Variants in KIAA2012 observed in about 807,000 individuals in gnomAD.
KIAA2012 encodes the protein uncharacterized protein KIAA2012.
Under a neutral mutation model 150.6 loss-of-function variants are expected in KIAA2012, and 125 were observed. That is an observed-to-expected ratio of 0.83 (90% CI 0.72 to 0.96). KIAA2012 has a LOEUF of 0.96. Among genes scored for constraint, KIAA2012 ranks in the 40% least tolerant of loss-of-function variants. The pLI is 0.00. For missense variants in KIAA2012, 1,219 were observed against 1,354.9 expected (o/e 0.90, Z 1.57); for synonymous variants, 462 against 504.7 (o/e 0.92, Z 1.13).
At chr2:202,092,115 A>C (rs1229318257) in intron 3 of KIAA2012, among the ~76,000 whole-genome samples, 1 of 152,174 alleles carries the variant, frequency 6.6e-6, no homozygotes, top group African/African-American at 2.4e-5. Flanking sequence ...TCTTGACCTC[A>C]AAAAAGGTCG....
intron 8 of KIAA2012, among the ~76,000 whole-genome samples, chr2:202,103,881 C>T (rs1243126912): frequency 1.3e-5 from 2 of 152,170 alleles, no homozygotes; most frequent in Non-Finnish European, 2.9e-5. Flanking sequence ...TTCCATAGTA[C>T]TCTTGTTTAA....
chr2:202,126,468 C>T (rs1690790253), intron 12 of KIAA2012, among the ~76,000 whole-genome samples: 1 of 152,232 alleles, frequency 6.6e-6, no homozygotes, highest in East Asian at 1.9e-4. Context: ...GGAGTCTGGC[C>T]CTCTGCATTC....
chr2:202,176,684 G>A (rs187200300), intron 15 of KIAA2012, among the ~76,000 whole-genome samples: 1 of 152,068 alleles, frequency 6.6e-6, no homozygotes, highest in African/African-American at 2.4e-5. Context: ...AAGGAAAAAT[G>A]AGCAAATGAT....
intron 7 of KIAA2012, among the ~76,000 whole-genome samples, chr2:202,102,575 T>G (rs571903495): frequency 6.6e-6 from 1 of 152,186 alleles, no homozygotes; most frequent in Admixed American, 6.5e-5. Flanking sequence ...TGTACTTTGC[T>G]TTTTCCCTTA....
In KIAA2012 at chr2:202,154,735, T is replaced by C; in HGVS notation, c.1971T>C (p.Asn657=). ...QKTGEPQSCI[N]KALICSNRKE... is the part of the protein sequence containing the mutation. ...CAGGAGAGCCTCAAAGTTGTATAAA[T>C]AAAGCGCTGATATGTTCAAACAGAA... The change falls in exon 14 of 24, where the codon AAT becomes AAC. Residue 657 remains asparagine, a synonymous_variant. Coordinates refer to ENST00000498697, the MANE Select transcript of KIAA2012 (RefSeq NM_001277372.4). 1 of 1,550,330 alleles carries C rather than the reference T, an allele frequency of 6.5e-7. No individual in the cohort carries two copies. The highest frequency in any genetic ancestry group is 8.7e-7 in the Non-Finnish European group (1 of 1,146,954).
chr2:202,125,141 G>A (rs770576558), intron 11 of KIAA2012, 73 bp from the exon 12 acceptor site: 4 of 1,217,396 alleles, frequency 3.3e-6, no homozygotes, highest in Non-Finnish European at 4.7e-6. Flanking sequence ...GTTTTCCCCT[G>A]TCTTCGGATA....
chr2:202,117,992 A>G (rs561961342), intron 11 of KIAA2012, among the ~76,000 whole-genome samples: 1 of 151,394 alleles, frequency 6.6e-6, no homozygotes, highest in East Asian at 2.0e-4. Context: ...CTAACATGGC[A>G]TGTTTCTAAA....
intron 13 of KIAA2012, among the ~76,000 whole-genome samples, chr2:202,150,531 G>A (rs1047666684): frequency 2.0e-5 from 3 of 151,708 alleles, no homozygotes; most frequent in Admixed American, 1.3e-4. Context: ...TCACTATAAC[G>A]CTCACCTCCT....
At chr2:202,153,824 A>G (rs959190717) in intron 13 of KIAA2012, among the ~76,000 whole-genome samples, 8 of 152,200 alleles carry the variant, frequency 5.3e-5, no homozygotes, top group African/African-American at 1.9e-4. Context: ...TTGTTGTGTG[A>G]CTAAATGAAG....
intron 11 of KIAA2012, among the ~76,000 whole-genome samples, chr2:202,118,191 C>T (rs905396407): frequency 7.2e-5 from 11 of 152,106 alleles, no homozygotes; most frequent in Admixed American, 2.0e-4. Context: ...AGGAGCCCCA[C>T]GTGGTTATAG....
chr2:202,144,518 G>GA (rs929012974), intron 13 of KIAA2012, among the ~76,000 whole-genome samples: 47 of 148,224 alleles, frequency 3.2e-4, no homozygotes, highest in African/African-American at 9.7e-4. Context: ...ACATGCACAC[G>GA]AAAAAAAAAC....
chr2:202,161,083 C>G (rs1691645558), intron 14 of KIAA2012, among the ~76,000 whole-genome samples: 1 of 152,154 alleles, frequency 6.6e-6, no homozygotes, highest in Non-Finnish European at 1.5e-5. Context: ...ATCACTTGTC[C>G]AGCATCTGTC....
At chr2:202,119,731 G>GGT (rs748509212) in intron 11 of KIAA2012, among the ~76,000 whole-genome samples, 35 of 152,116 alleles carry the variant, frequency 2.3e-4, no homozygotes, top group Non-Finnish European at 4.4e-4. Flanking sequence ...GGCCAGGCAC[G>GGT]GTGGCTCATG....
chr2:202,136,308 T>C (rs372090213), intron 12 of KIAA2012: 41 of 158,172 alleles, frequency 2.6e-4, no homozygotes, highest in African/African-American at 9.4e-4. Context: ...TCGCGGTGAG[T>C]GTTACAGTTT....
chr2:202,113,347 GACCCT>G lies in KIAA2012; in HGVS notation c.1666_1670del (p.Pro556ThrfsTer30), dbSNP rs1559208787. 1 of 1,550,384 alleles carries G rather than the reference GACCCT, an allele frequency of 6.5e-7. No homozygotes were observed. The highest frequency in any genetic ancestry group is 8.7e-7 in the Non-Finnish European group (1 of 1,146,834). ...TGCTTATTTTCAAGAAGATTCCAGC[GACCCT>G]ACACTGGGACACTTCTTGCTGGGTC... On this transcript the variant is annotated frameshift_variant, in exon 11 of 24. Transcript: ENST00000498697. LOFTEE classifies it high-confidence loss of function.
chr2:202,088,840 T>G (rs971039139), intron 2 of KIAA2012, among the ~76,000 whole-genome samples: 1 of 152,334 alleles, frequency 6.6e-6, no homozygotes, highest in African/African-American at 2.4e-5. Context: ...CTCGGGTTGA[T>G]TCCAGAACCC....
intron 10 of KIAA2012, among the ~76,000 whole-genome samples, chr2:202,111,720 C>T (rs976178907): frequency 6.6e-6 from 1 of 152,004 alleles, no homozygotes; most frequent in African/African-American, 2.4e-5. Flanking sequence ...TGCATATGCA[C>T]GTGCATGTCT....
chr2:202,080,368 T>C (rs766284128), intron 2 of KIAA2012, among the ~76,000 whole-genome samples: 12 of 152,146 alleles, frequency 7.9e-5, no homozygotes, highest in Non-Finnish European at 1.0e-4. Flanking sequence ...CTTCATTCAT[T>C]TGTTCCCTTG....
intron 12 of KIAA2012, among the ~76,000 whole-genome samples, chr2:202,132,048 T>C (rs374872440): frequency 1.3e-5 from 2 of 152,152 alleles, no homozygotes; most frequent in South Asian, 2.1e-4. Context: ...TGATGGTGCA[T>C]GCCTGTAATC....
Sources: gnomAD v4.1 joint callset for allele counts (sites outside exome capture counted in the v4.1 genomes callset) on GRCh38, gnomAD v4.1.1 for gene constraint, MANE v1.5 for transcripts, NCBI Gene and HGNC (gene_info 2026-07-23, HGNC 2026-07-21) for gene names.